Variants in ARHGAP26 observed in about 807,000 individuals in gnomAD.
ARHGAP26 encodes rho GTPase-activating protein 26.
ARHGAP26 carries 38 observed loss-of-function variants against 104.8 expected under a neutral mutation model. The observed-to-expected ratio is 0.36, with a 90% CI of 0.28 to 0.48. The LOEUF (loss-of-function observed/expected upper bound fraction) is 0.48, where lower values mean the gene tolerates loss of function less well. ARHGAP26 is among the 20% of genes least tolerant of loss of function. The pLI, the probability that ARHGAP26 is intolerant of heterozygous loss-of-function variation, is 0.99. For missense variants in ARHGAP26, 704 were observed against 947.9 expected, an observed-to-expected ratio of 0.74 and a Z score of 3.38; for synonymous variants, 341 against 340.0, an observed-to-expected ratio of 1.00 and a Z score of -0.03.
intron 6 of ARHGAP26, among the ~76,000 whole-genome samples, chr5:142,896,701 G>T (rs1250492269): frequency 6.6e-6 from 1 of 152,176 alleles, no homozygotes; most frequent in Admixed American, 6.5e-5. Context: ...ACTTTAAGAA[G>T]CAGTAGCATC....
intron 17 of ARHGAP26, among the ~76,000 whole-genome samples, chr5:143,116,705 T>C (rs1208174307): frequency 2.0e-5 from 3 of 152,318 alleles, no homozygotes; most frequent in Non-Finnish European, 4.4e-5. Flanking sequence ...CTTCTGCCTC[T>C]CAAAGGACAT....
chr5:142,849,892 G>T (rs1393964431), intron 1 of ARHGAP26, among the ~76,000 whole-genome samples: 1 of 152,092 alleles, frequency 6.6e-6, no homozygotes, highest in East Asian at 1.9e-4. Context: ...GGACCCACAT[G>T]TGATGATTTG....
rs143818085 is a variant in ARHGAP26 at position 143,210,040 on chromosome 5, A to T, written c.2099+2732A>T. 5.0e-3 allele frequency among the ~76,000 whole-genome samples: 762 copies of T among 152,290 alleles called. 8 individuals carry two copies. Among genetic ancestry groups the T allele is most frequent in the African/African-American group, 0.016 (679 of 41,558 alleles). ...CCTTTATAAGTAAATATTGAATTAG[A>T]TCTAATCAGTGGTCCCATGAACTTC... On this transcript the variant is annotated intron_variant, in intron 21 of 22. Coordinates refer to ENST00000645722, the MANE Select transcript of ARHGAP26 (RefSeq NM_001135608.3).
intron 17 of ARHGAP26, among the ~76,000 whole-genome samples, chr5:143,083,245 G>T (rs1790067634): frequency 6.6e-6 from 1 of 152,194 alleles, no homozygotes; most frequent in African/African-American, 2.4e-5. Flanking sequence ...ATGCAGATAT[G>T]ATCCTAAAAT....
chr5:142,792,638 T>C (rs114403209), intron 1 of ARHGAP26, among the ~76,000 whole-genome samples: 17 of 152,270 alleles, frequency 1.1e-4, no homozygotes, highest in South Asian at 4.1e-4. Context: ...TCTATCCCCA[T>C]TGACTTCTCA....
intron 1 of ARHGAP26, among the ~76,000 whole-genome samples, chr5:142,825,855 G>C (rs146072851): frequency 1.1e-3 from 169 of 152,306 alleles, no homozygotes; most frequent in Non-Finnish European, 1.8e-3. Context: ...GAATCCCTCA[G>C]AACACAGTTC....
chr5:142,810,934 G>T (rs1156411526), intron 1 of ARHGAP26, among the ~76,000 whole-genome samples: 1 of 152,206 alleles, frequency 6.6e-6, no homozygotes, highest in Admixed American at 6.5e-5. Flanking sequence ...GTTGTAGATT[G>T]TACCAGCTGT....
chr5:143,197,447 T>G (rs975244853), intron 20 of ARHGAP26, among the ~76,000 whole-genome samples: 1 of 152,176 alleles, frequency 6.6e-6, no homozygotes, highest in Non-Finnish European at 1.5e-5. Context: ...TGCAGTAACA[T>G]CTCACTGTGG....
intron 17 of ARHGAP26, among the ~76,000 whole-genome samples, chr5:143,099,355 A>C (rs1792884597): frequency 6.6e-6 from 1 of 152,208 alleles, no homozygotes; most frequent in Non-Finnish European, 1.5e-5. Flanking sequence ...GTGTTGGTTA[A>C]CTTGGATTTC....
intron 22 of ARHGAP26, among the ~76,000 whole-genome samples, chr5:143,219,658 T>C (rs1810881620): frequency 6.6e-6 from 1 of 152,178 alleles, no homozygotes; most frequent in African/African-American, 2.4e-5. Context: ...TGGTGCTGCC[T>C]CCCTCCTCTA....
chr5:142,994,648 T>C (rs1776127554), intron 11 of ARHGAP26, among the ~76,000 whole-genome samples: 1 of 152,162 alleles, frequency 6.6e-6, no homozygotes, highest in Non-Finnish European at 1.5e-5. Context: ...GTCACCTGAT[T>C]AGATATGGGA....
intron 17 of ARHGAP26, among the ~76,000 whole-genome samples, chr5:143,080,098 G>T (rs1258838749): frequency 6.6e-6 from 1 of 152,126 alleles, no homozygotes; most frequent in African/African-American, 2.4e-5. Flanking sequence ...CCTATAAGAT[G>T]GGAGCTGACC....
At chr5:143,150,215 G>C (rs1599246232) in intron 20 of ARHGAP26, among the ~76,000 whole-genome samples, 1 of 152,342 alleles carries the variant, frequency 6.6e-6, no homozygotes, top group South Asian at 2.1e-4. Context: ...AGTCCAGCTA[G>C]TCTGAAATTG....
At chr5:142,824,362 A>G (rs942728892) in intron 1 of ARHGAP26, among the ~76,000 whole-genome samples, 1 of 152,196 alleles carries the variant, frequency 6.6e-6, no homozygotes, top group Non-Finnish European at 1.5e-5. Context: ...CGTCCCTATC[A>G]AACACCACAC....
intron 1 of ARHGAP26, among the ~76,000 whole-genome samples, chr5:142,798,238 A>G (rs1159532877): frequency 1.3e-5 from 2 of 151,986 alleles, no homozygotes; most frequent in Non-Finnish European, 2.9e-5. Context: ...CTCATCTTAC[A>G]CCATCTCTGC....
At chr5:142,915,995 A>G (rs1279002588) in intron 10 of ARHGAP26, among the ~76,000 whole-genome samples, 1 of 152,100 alleles carries the variant, frequency 6.6e-6, no homozygotes, top group Non-Finnish European at 1.5e-5. Flanking sequence ...CCTGCCTTCC[A>G]CAGGTTCCCC....
At chr5:142,803,352 GT>G (rs1762412904) in intron 1 of ARHGAP26, among the ~76,000 whole-genome samples, 1 of 152,036 alleles carries the variant, frequency 6.6e-6, no homozygotes, top group South Asian at 2.1e-4. Context: ...TTGTCTCATT[GT>G]TTCCCCATTT....
intron 11 of ARHGAP26, among the ~76,000 whole-genome samples, chr5:142,936,677 G>A (rs905361105): frequency 2.0e-5 from 3 of 152,226 alleles, no homozygotes; most frequent in East Asian, 1.9e-4. Flanking sequence ...GGATAGACAC[G>A]TAGATCAATG....
intron 1 of ARHGAP26, among the ~76,000 whole-genome samples, chr5:142,798,621 G>T (rs1445876524): frequency 6.6e-6 from 1 of 152,216 alleles, no homozygotes; most frequent in African/African-American, 2.4e-5. Context: ...TGGAAGGGTG[G>T]TGATGGTGCA....
Sources: allele counts gnomAD v4.1 joint callset (sites outside exome capture counted in the v4.1 genomes callset), GRCh38; gene constraint gnomAD v4.1.1; transcripts MANE v1.5; gene names NCBI Gene and HGNC (gene_info 2026-07-23, HGNC 2026-07-21).